GUK1: variants seen among roughly 807,000 people sequenced by gnomAD.
GUK1 encodes the protein guanylate kinase.
In GUK1, 18 loss-of-function variants were observed where a neutral mutation model predicts 25.2. The ratio of observed to expected loss-of-function variants is 0.71; its 90% CI spans 0.49 to 1.06. GUK1 has a LOEUF of 1.06. GUK1 is among the 50% of genes least tolerant of loss of function. The pLI, the probability that GUK1 is intolerant of heterozygous loss-of-function variation, is 0.00. For synonymous variants in GUK1, 105 were observed against 117.6 expected, an observed-to-expected ratio of 0.89 and a Z score of 0.69; for missense variants, 261 against 276.7, an observed-to-expected ratio of 0.94 and a Z score of 0.40.
chr1:228,148,098 G>A (rs1312055420), intron 7 of GUK1: 5 of 592,776 alleles, frequency 8.4e-6, no homozygotes, highest in South Asian at 2.0e-5. Context: ...TGCTGTGTGT[G>A]TAGAGGATAG....
chr1:228,145,920 G>A, intron 3 of GUK1, 106 bp from the exon 3 acceptor site: 1 of 867,546 alleles, frequency 1.2e-6, no homozygotes, highest in Non-Finnish European at 1.9e-6. Flanking sequence ...TGCTTCACTG[G>A]CTGCCTGCAT....
chr1:228,141,703 TG>T (rs761761933), intron 2 of GUK1: 1 of 1,303,874 alleles, frequency 7.7e-7, no homozygotes, highest in Non-Finnish European at 1.0e-6. Flanking sequence ...AAGCGGCTGC[TG>T]GGGCAGCATG....
At chr1:228,140,468 C>T in intron 1 of GUK1, 105 bp downstream of exon 1, 2 of 796,888 alleles carry the variant, frequency 2.5e-6, no homozygotes, top group East Asian at 3.1e-5. Context: ...CTCCTCCTAG[C>T]CGAGACGCCC....
At chr1:228,140,466 A>C in intron 1 of GUK1, 103 bp downstream of exon 1, 1 of 803,462 alleles carries the variant, frequency 1.2e-6, no homozygotes, top group Non-Finnish European at 1.9e-6. Context: ...ATCTCCTCCT[A>C]GCCGAGACGC....
rs745574091 is a variant in GUK1, at chr1:228,141,239, T to A, written c.-52T>A. The A allele has an allele frequency of 9.1e-6, 9 of 983,930 alleles. No homozygotes were observed. Among genetic ancestry groups the A allele is most frequent in the Non-Finnish European group, 9.7e-6 (8 of 828,634 alleles). 60.9% of individuals were successfully genotyped at this position (983,930 alleles called of 1,614,324 possible). A position where few individuals can be genotyped will look rare whatever the true frequency, so the allele number is the denominator to read the frequency against. ...ATAGCCGCGCAGCATCGTGAAGGGC[T>A]GGGGCCTTCACTCCTCTGTGGCTCT... On this transcript the variant is annotated 5_prime_UTR_variant, in exon 2 of 9. Coordinates refer to ENST00000312726, the MANE Select transcript of GUK1 (RefSeq NM_000858.7).
intron 2 of GUK1, among the ~76,000 whole-genome samples, chr1:228,143,849 G>A (rs1465733745): frequency 2.0e-5 from 3 of 152,198 alleles, no homozygotes; most frequent in Non-Finnish European, 4.4e-5. Flanking sequence ...AAAACGATGT[G>A]TGCTTGTGAC....
At chr1:228,141,956 C>T in intron 2 of GUK1, 1 of 275,184 alleles carries the variant, frequency 3.6e-6, no homozygotes, top group Middle Eastern at 8.2e-4. Flanking sequence ...CAGGAAGACA[C>T]CTTTGGCGCA....
At position 228,148,753 on chromosome 1, in the gene GUK1, T is replaced by C. The variant is rs1442309125; in HGVS notation, c.*56T>C. 5.0e-6 allele frequency: 8 copies of C among 1,611,522 alleles called. No homozygotes were observed. Among genetic ancestry groups the C allele is most frequent in the Non-Finnish European group, 6.8e-6 (8 of 1,179,684 alleles). On this transcript the variant is annotated 3_prime_UTR_variant, in exon 9 of 9. Coordinates refer to ENST00000312726, the MANE Select transcript of GUK1 (RefSeq NM_000858.7). Reference sequence around the variant, plus strand: ...CCATACAGGACCAGGGCAGCAGCATTGAGCCACCCCCTTGGCAGGCGATAC... The same window carrying C: ...CCATACAGGACCAGGGCAGCAGCATCGAGCCACCCCCTTGGCAGGCGATAC...
At position 228,148,880 on chromosome 1, in the gene GUK1, C is replaced by T; in HGVS notation, c.*183C>T. 6.8e-7 allele frequency: 1 copy of T among 1,476,258 alleles called. No individual in the cohort carries two copies. The highest frequency in any genetic ancestry group is 1.7e-4 in the Middle Eastern group (1 of 5,746). The allele number at this position is 1,476,258 out of a possible 1,614,324, so 91.4% of individuals were successfully genotyped here. A position where few individuals can be genotyped will look rare whatever the true frequency, so the allele number is the denominator to read the frequency against. On this transcript the variant is annotated 3_prime_UTR_variant, in exon 9 of 9. Transcript: ENST00000312726. ...CCCGACCCAGCCTCGCTGGGCTGTC[C>T]CCTGTCCCTATCTCTCACTCTGGAC...
In GUK1 at chr1:228,147,474, T is replaced by C; in HGVS notation, c.320T>C (p.Val107Ala). The C allele has an allele frequency of 2.5e-6, 4 of 1,613,130 alleles. No homozygotes were observed. Among genetic ancestry groups the C allele is most frequent in the Non-Finnish European group, 3.4e-6 (4 of 1,179,906 alleles). Residue 107 changes from valine (V) to alanine (A), a missense_variant, in exon 6 of 9, where the codon GTG becomes GCG. By Grantham distance (64) the Val-to-Ala change is moderately conservative. Transcript: ENST00000312726. ...GTGCTGGACGTGGACCTGCAGGGTG[T>C]GCGGAACATCAAGGCCACCGATCTG...
intron 2 of GUK1, among the ~76,000 whole-genome samples, chr1:228,142,912 G>A (rs1389036444): frequency 6.6e-6 from 1 of 151,824 alleles, no homozygotes; most frequent in Non-Finnish European, 1.5e-5. Flanking sequence ...AGTTTTTGGC[G>A]ATTGATGTGC....
In GUK1 at chr1:228,147,518, G is replaced by T. The variant is rs1337938616; in HGVS notation, c.364G>T (p.Val122Leu). 6.2e-7 allele frequency: 1 copy of T among 1,613,342 alleles called. No homozygotes were observed. The highest frequency in any genetic ancestry group is 2.2e-5 in the East Asian group (1 of 44,888). The change falls in exon 6 of 9, where the codon GTG (valine) becomes TTG (leucine). Residue 122 changes from valine to leucine, a missense_variant. Transcript: ENST00000312726. ...CGATCTGCGGCCCATCTACATCTCT[G>T]TGCAGCCGCCTTCACTGCACGTGCT... is the stretch of plus-strand genomic sequence containing the variant.
intron 1 of GUK1, 28 bp downstream of exon 1, chr1:228,140,391 G>A: frequency 6.8e-7 from 1 of 1,473,176 alleles, no homozygotes; most frequent in Non-Finnish European, 9.0e-7. Context: ...GATCGCGAGG[G>A]TGACTCGGGT....
chr1:228,147,246 G>C (rs1044896642), intron 5 of GUK1, among the ~76,000 whole-genome samples, 160 bp from the exon 5 acceptor site: 2 of 152,202 alleles, frequency 1.3e-5, no homozygotes, highest in African/African-American at 4.8e-5. Flanking sequence ...CAGGGCGTGG[G>C]GGTAGCAGGT....
At position 228,146,898 on chromosome 1, in the gene GUK1, A is replaced by G; in HGVS notation, c.211A>G (p.Ile71Val). ...GCGTGACATAGCAGCCGGCGACTTC[A>G]TCGAGCATGCCGAGTTCTCGGGGAA... The change falls in exon 5 of 9, where the codon ATC (isoleucine) becomes GTC (valine). Residue 71 changes from isoleucine to valine, a missense_variant. By Grantham distance (29) the Ile-to-Val change is conservative. Coordinates refer to ENST00000312726, the MANE Select transcript of GUK1 (RefSeq NM_000858.7). 1 of 1,613,760 alleles carries G rather than the reference A, an allele frequency of 6.2e-7. No individual in the cohort carries two copies. Among genetic ancestry groups the G allele is most frequent in the Non-Finnish European group, 8.5e-7 (1 of 1,179,766 alleles).
chr1:228,148,689 G>A lies in GUK1; in HGVS notation c.586G>A (p.Gly196Ser), dbSNP rs770346794. 18 of 1,599,996 alleles carry A rather than the reference G, an allele frequency of 1.1e-5. No homozygotes were observed. Among genetic ancestry groups the A allele is most frequent in the East Asian group, 4.5e-5 (2 of 44,558 alleles). The stretch of plus-strand genomic sequence containing the variant: ...GGAAATCAAGAAAGCTCAAAGGACC[G>A]GCGCCTGAGGCTTGCTGTCTGTTCT... Residue 196 changes from glycine to serine, a missense_variant, in exon 9 of 9, where the codon GGC (glycine) becomes AGC (serine). Gly to Ser is a moderately conservative substitution (Grantham distance 56). Coordinates refer to ENST00000312726, the MANE Select transcript of GUK1 (RefSeq NM_000858.7).
rs2034435741 is a variant in GUK1 at position 228,147,309 on chromosome 1, A to G, written c.252-97A>G. 27 of 1,182,294 alleles carry G rather than the reference A, an allele frequency of 2.3e-5. No individual in the cohort carries two copies. In the South Asian group the frequency reaches 3.6e-4, roughly 16 times the overall value. The allele number at this position is 1,182,294 out of a possible 1,614,324, so 73.2% of individuals were successfully genotyped here. A position where few individuals can be genotyped will look rare whatever the true frequency, so the allele number is the denominator to read the frequency against. ...GGCCAGGCCTAGGCTCAGCTGTGGG[A>G]GGAGAACGCTGGGCCCGGGAGGGCC... On this transcript the variant is annotated intron_variant, in intron 5 of 8. Coordinates refer to ENST00000312726, the MANE Select transcript of GUK1 (RefSeq NM_000858.7).
chr1:228,148,100 A>G (rs2034499262), intron 7 of GUK1: 1 of 592,174 alleles, frequency 1.7e-6, no homozygotes, highest in Non-Finnish European at 3.0e-6. Context: ...CTGTGTGTGT[A>G]GAGGATAGTG....
chr1:228,141,554 C>T (rs2034051352), intron 2 of GUK1: 6 of 816,060 alleles, frequency 7.4e-6, no homozygotes, highest in Non-Finnish European at 9.3e-6. Flanking sequence ...TCTCTCGGTT[C>T]TCAGAAGGTC....
Sources: gnomAD v4.1 joint callset for allele counts (sites outside exome capture counted in the v4.1 genomes callset) on GRCh38, gnomAD v4.1.1 for gene constraint, MANE v1.5 for transcripts, NCBI Gene and HGNC (gene_info 2026-07-23, HGNC 2026-07-21) for gene names.